NAPEPLD: variants seen among roughly 807,000 people sequenced by gnomAD.
NAPEPLD encodes N-acyl-phosphatidylethanolamine-hydrolyzing phospholipase D.
A neutral mutation model predicts 38.1 loss-of-function variants in NAPEPLD; 23 were observed. The ratio of observed to expected loss-of-function variants is 0.60; its 90% CI spans 0.43 to 0.86. NAPEPLD has a LOEUF of 0.86. Among genes scored for constraint, NAPEPLD ranks in the 40% least tolerant of loss-of-function variants. The pLI is 0.00. For missense variants in NAPEPLD, 411 were observed against 476.8 expected, an observed-to-expected ratio of 0.86 and a Z score of 1.28; for synonymous variants, 147 against 162.0, an observed-to-expected ratio of 0.91 and a Z score of 0.71.
chr7:103,108,216 C>T (rs1451145971), intron 4 of NAPEPLD, among the ~76,000 whole-genome samples: 1 of 149,406 alleles, frequency 6.7e-6, no homozygotes, highest in Non-Finnish European at 1.5e-5. Context: ...AGTCTCAGCT[C>T]ACTGCAACCT....
At chr7:103,104,717 T>C (rs1397916782) in intron 4 of NAPEPLD, among the ~76,000 whole-genome samples, 1 of 152,250 alleles carries the variant, frequency 6.6e-6, no homozygotes, top group African/African-American at 2.4e-5. Flanking sequence ...ACTTTTAGTC[T>C]ATTTTATATA....
intron 4 of NAPEPLD, among the ~76,000 whole-genome samples, chr7:103,106,679 T>C (rs2129526623): frequency 6.6e-6 from 1 of 151,592 alleles, no homozygotes; most frequent in African/African-American, 2.4e-5. Context: ...GCAAGGCCGC[T>C]GCAGCCAGAC....
intron 4 of NAPEPLD, among the ~76,000 whole-genome samples, chr7:103,110,563 T>C (rs1563347358): frequency 6.6e-6 from 1 of 152,200 alleles, no homozygotes; most frequent in African/African-American, 2.4e-5. Flanking sequence ...AAACTAGGTA[T>C]TAATGGAACA....
chr7:103,119,753 AC>A lies in NAPEPLD; in HGVS notation c.764del (p.Cys255LeufsTer5). 2 of 1,614,174 alleles carry A rather than the reference AC, an allele frequency of 1.2e-6. No homozygotes were observed. Among genetic ancestry groups the A allele is most frequent in the Non-Finnish European group, 1.7e-6 (2 of 1,180,034 alleles). Reference sequence around the variant, plus strand: ...TGTTGTCATCCATTAGAGTCCTTTTACACCAGTGCTGGGAAGGTGTAAAGAC... The same window carrying A: ...TGTTGTCATCCATTAGAGTCCTTTTAACCAGTGCTGGGAAGGTGTAAAGAC... ...TFVFTPSQHW[C>X]KRTLMDDNKV... is the part of the protein sequence containing the mutation. On this transcript the variant is annotated frameshift_variant, in exon 3 of 5. Transcript: ENST00000465647. LOFTEE classifies it high-confidence loss of function.
At chr7:103,113,989 C>T (rs1805083285) in intron 4 of NAPEPLD, among the ~76,000 whole-genome samples, 1 of 151,852 alleles carries the variant, frequency 6.6e-6, no homozygotes, top group Non-Finnish European at 1.5e-5. Flanking sequence ...ACCTCTACTT[C>T]CTGGGTTCAG....
chr7:103,106,591 T>C (rs1306557230), intron 4 of NAPEPLD, among the ~76,000 whole-genome samples: 1 of 152,092 alleles, frequency 6.6e-6, no homozygotes, highest in African/African-American at 2.4e-5. Flanking sequence ...CTGCTGAAGC[T>C]TGAGTAGGCA....
intron 4 of NAPEPLD, among the ~76,000 whole-genome samples, chr7:103,107,617 T>C (rs115298990): frequency 6.6e-6 from 1 of 151,816 alleles, no homozygotes; most frequent in Non-Finnish European, 1.5e-5. Flanking sequence ...ACAGTATCAA[T>C]AGCCGAATCG....
chr7:103,111,398 G>A (rs894613804), intron 4 of NAPEPLD, among the ~76,000 whole-genome samples: 1 of 152,146 alleles, frequency 6.6e-6, no homozygotes, highest in Non-Finnish European at 1.5e-5. Context: ...CATGGTACTG[G>A]TACCAAAACA....
intron 1 of NAPEPLD, among the ~76,000 whole-genome samples, chr7:103,130,392 T>C (rs1808683478): frequency 6.6e-6 from 1 of 152,192 alleles, no homozygotes; most frequent in African/African-American, 2.4e-5. Flanking sequence ...GCTCAAGAGT[T>C]AAGAGAGAGT....
intron 1 of NAPEPLD, among the ~76,000 whole-genome samples, chr7:103,133,373 AG>A (rs1325722725): frequency 2.6e-5 from 4 of 152,258 alleles, no homozygotes; most frequent in Non-Finnish European, 5.9e-5. Flanking sequence ...CACTGTTGAA[AG>A]GGCAAGAAGG....
chr7:103,123,063 T>C (rs4729883), intron 2 of NAPEPLD, among the ~76,000 whole-genome samples: 138,552 of 152,248 alleles, frequency 0.91, 64,440 homozygotes, highest in East Asian at 1. Flanking sequence ...GACTGCTTCC[T>C]ACTCCTAGAC....
chr7:103,116,735 G>C (rs1451958105), intron 3 of NAPEPLD, among the ~76,000 whole-genome samples: 1 of 152,246 alleles, frequency 6.6e-6, no homozygotes, highest in Non-Finnish European at 1.5e-5. Context: ...GCCTTGGGAA[G>C]AGCGAGGGCT....
chr7:103,124,504 G>A (rs1807359933), intron 2 of NAPEPLD, among the ~76,000 whole-genome samples: 1 of 151,918 alleles, frequency 6.6e-6, no homozygotes, highest in Non-Finnish European at 1.5e-5. Context: ...TAGAAAAAGG[G>A]GTGGGGAGAG....
intron 1 of NAPEPLD, among the ~76,000 whole-genome samples, chr7:103,130,323 C>A (rs948574233): frequency 3.9e-5 from 6 of 152,160 alleles, no homozygotes; most frequent in Non-Finnish European, 7.3e-5. Context: ...AGAAAAGAAA[C>A]CCCAGCTGAC....
chr7:103,126,993 G>A (rs900199275), intron 2 of NAPEPLD: 18 of 151,942 alleles, frequency 1.2e-4, no homozygotes, highest in African/African-American at 4.4e-4. Flanking sequence ...ATTGATCCAG[G>A]AGGTCCAAAA....
chr7:103,125,943 T>G (rs1357647254), intron 2 of NAPEPLD, among the ~76,000 whole-genome samples: 1 of 149,384 alleles, frequency 6.7e-6, no homozygotes, highest in Non-Finnish European at 1.5e-5. Context: ...AACAAATTCT[T>G]GAGGAAATTT....
intron 2 of NAPEPLD, among the ~76,000 whole-genome samples, chr7:103,122,304 C>T (rs1806881271): frequency 1.3e-5 from 2 of 152,070 alleles, no homozygotes; most frequent in Admixed American, 6.6e-5. Context: ...CACACATACA[C>T]ACAGACATGA....
chr7:103,103,696 G>A, intron 4 of NAPEPLD, 142 bp from the exon 5 acceptor site: 1 of 787,888 alleles, frequency 1.3e-6, no homozygotes, highest in Non-Finnish European at 1.9e-6. Context: ...TTAGCAAATG[G>A]GTCTATCACA....
intron 1 of NAPEPLD, among the ~76,000 whole-genome samples, chr7:103,138,069 C>G (rs1385415555): frequency 6.6e-6 from 1 of 151,592 alleles, no homozygotes; most frequent in African/African-American, 2.4e-5. Context: ...CCTCCATCTC[C>G]CAGGTTCAAC....
Sources: allele counts gnomAD v4.1 joint callset (sites outside exome capture counted in the v4.1 genomes callset), GRCh38; gene constraint gnomAD v4.1.1; transcripts MANE v1.5; gene names NCBI Gene and HGNC (gene_info 2026-07-23, HGNC 2026-07-21).